The following ANGPT1 variants were observed in gnomAD, a reference collection of about 807,000 sequenced individuals.
The protein encoded by ANGPT1 is angiopoietin-1.
A neutral mutation model predicts 62.2 loss-of-function variants in ANGPT1; 17 were observed. That is an observed-to-expected ratio of 0.27 (90% CI 0.19 to 0.41). ANGPT1 has a LOEUF of 0.41. Among genes scored for constraint, ANGPT1 ranks in the 10% least tolerant of loss-of-function variants. ANGPT1 has a pLI of 1.00. For synonymous variants in ANGPT1, 199 were observed against 198.9 expected (o/e 1.00, Z 0.00); for missense variants, 478 against 594.9 (o/e 0.80, Z 2.04).
intron 8 of ANGPT1, among the ~76,000 whole-genome samples, chr8:107,252,322 A>G (rs1813264589): frequency 6.6e-6 from 1 of 152,214 alleles, no homozygotes; most frequent in Admixed American, 6.5e-5. Context: ...GATACAATCT[A>G]CATAAGAGAT....
chr8:107,254,249 T>A (rs1813308810), intron 8 of ANGPT1, among the ~76,000 whole-genome samples: 1 of 152,092 alleles, frequency 6.6e-6, no homozygotes, highest in South Asian at 2.1e-4. Context: ...ACACCTGTCC[T>A]TATTGTATTC....
intron 1 of ANGPT1, among the ~76,000 whole-genome samples, chr8:107,470,798 G>C (rs1812336546): frequency 6.6e-6 from 1 of 152,138 alleles, no homozygotes; most frequent in African/African-American, 2.4e-5. Flanking sequence ...ATGAAAAAAA[G>C]CTCATCATCA....
Position 107,398,648 on chromosome 8 carries a change from A to G in ANGPT1, c.298-51551T>C, listed in dbSNP as rs939370784. Among the ~76,000 whole-genome samples, 5 of 152,222 alleles carry G rather than the reference A, an allele frequency of 3.3e-5. No individual in the cohort carries two copies. The South Asian group carries it at 1.0e-3, about 32-fold the overall frequency. ...AAGCAAACCTAAAACTGTTCTGGAC[A>G]GAGTGGTACCTAGCTTTTTAAAGTT... On this transcript the variant is annotated intron_variant, in intron 1 of 8. Transcript: ENST00000517746.
intron 4 of ANGPT1, 83 bp downstream of exon 4, chr8:107,321,813 C>A: frequency 2.6e-6 from 3 of 1,147,340 alleles, no homozygotes; most frequent in Non-Finnish European, 3.8e-6. Context: ...GCAATCAATG[C>A]ACTGTAGAAA....
At chr8:107,474,124 G>C (rs912893573) in intron 1 of ANGPT1, among the ~76,000 whole-genome samples, 1 of 151,996 alleles carries the variant, frequency 6.6e-6, no homozygotes, top group South Asian at 2.1e-4. Flanking sequence ...GCCTGACAGA[G>C]ACACAACAAA....
At position 107,277,100 on chromosome 8, in the gene ANGPT1, TA is replaced by T. The variant is rs563688831; in HGVS notation, c.1205+7581del. Among the ~76,000 whole-genome samples the T allele has an allele frequency of 2.9e-4, 44 of 152,314 alleles. No homozygotes were observed. The East Asian group carries it at 6.6e-3, about 23-fold the overall frequency. On this transcript the variant is annotated intron_variant, in intron 7 of 8. Coordinates refer to ENST00000517746, the MANE Select transcript of ANGPT1 (RefSeq NM_001146.5). ...AAGATTATAATGACAAGATGTGCAT[TA>T]AAAAATGTTAAACATTATCATTCGG... is the stretch of plus-strand genomic sequence containing the variant.
rs71308725 is a variant in ANGPT1, at chr8:107,365,890, C to CACACACAT, written c.298-18794_298-18793insATGTGTGT. Among the ~76,000 whole-genome samples the CACACACAT allele has an allele frequency of 1.6e-4, 24 of 149,032 alleles. 1 individual carries two copies. Among genetic ancestry groups the CACACACAT allele is most frequent in the Admixed American group, 1.3e-3 (19 of 14,848 alleles). On this transcript the variant is annotated intron_variant, in intron 1 of 8. Transcript: ENST00000517746. ...ACACACACACACACACACACACACA[C>CACACACAT]GATTTTGCCTGTATACACAAATAGA...
chr8:107,267,998 CATCAA>C (rs1813653307), intron 7 of ANGPT1, among the ~76,000 whole-genome samples: 2 of 152,086 alleles, frequency 1.3e-5, no homozygotes, highest in African/African-American at 4.8e-5. Context: ...CCTCAAAGAG[CATCAA>C]ATCAGCATCT....
At chr8:107,381,856 TG>T (rs1274172521) in intron 1 of ANGPT1, among the ~76,000 whole-genome samples, 1 of 152,186 alleles carries the variant, frequency 6.6e-6, no homozygotes, top group African/African-American at 2.4e-5. Flanking sequence ...TAAGGTTTGT[TG>T]GCTGATCAGA....
intron 1 of ANGPT1, among the ~76,000 whole-genome samples, chr8:107,477,544 C>T (rs186090688): frequency 1.9e-4 from 29 of 152,212 alleles, no homozygotes; most frequent in Admixed American, 1.5e-3. Flanking sequence ...AAAGCTCTGG[C>T]TGTCAATATA....
chr8:107,273,924 A>AT (rs921088135), intron 7 of ANGPT1, among the ~76,000 whole-genome samples: 2 of 150,660 alleles, frequency 1.3e-5, no homozygotes, highest in African/African-American at 4.9e-5. Flanking sequence ...TGGCTTCATC[A>AT]TTAAAAAAAA....
intron 1 of ANGPT1, among the ~76,000 whole-genome samples, chr8:107,469,252 A>G (rs991640540): frequency 3.3e-5 from 5 of 151,932 alleles, no homozygotes; most frequent in African/African-American, 9.7e-5. Flanking sequence ...ACCAAATCCA[A>G]TCTTTTATTT....
intron 3 of ANGPT1, among the ~76,000 whole-genome samples, chr8:107,330,769 T>C (rs1363310746): frequency 6.6e-6 from 1 of 152,114 alleles, no homozygotes; most frequent in Admixed American, 6.6e-5. Flanking sequence ...GCATCAACAG[T>C]GACTGGTGAG....
At chr8:107,402,505 G>A (rs1412938438) in intron 1 of ANGPT1, among the ~76,000 whole-genome samples, 1 of 152,168 alleles carries the variant, frequency 6.6e-6, no homozygotes, top group Non-Finnish European at 1.5e-5. Flanking sequence ...CACAGAGGAA[G>A]AAAGAGCACC....
At chr8:107,431,468 G>A (rs1052407889) in intron 1 of ANGPT1, among the ~76,000 whole-genome samples, 1 of 152,124 alleles carries the variant, frequency 6.6e-6, no homozygotes, top group African/African-American at 2.4e-5. Flanking sequence ...CTTTACTCTG[G>A]CTCTCTTAGA....
At chr8:107,335,093 T>C (rs1289050019) in intron 3 of ANGPT1, among the ~76,000 whole-genome samples, 1 of 152,228 alleles carries the variant, frequency 6.6e-6, no homozygotes, top group East Asian at 1.9e-4. Context: ...TTGTAGATAA[T>C]ATGAAGAGGC....
chr8:107,343,934 C>T (rs928336815), intron 2 of ANGPT1, among the ~76,000 whole-genome samples: 1 of 152,050 alleles, frequency 6.6e-6, no homozygotes, highest in Admixed American at 6.5e-5. Flanking sequence ...TGGTGGCACA[C>T]ACCTGTAGTC....
In ANGPT1 at chr8:107,250,483, A is replaced by G. The variant is rs1358888096; in HGVS notation, c.*1372T>C. The G allele has an allele frequency of 6.6e-6, 1 of 152,122 alleles. No individual in the cohort carries two copies. The highest frequency in any genetic ancestry group is 1.5e-5 in the Non-Finnish European group (1 of 67,992). The allele number at this position is 152,122 out of a possible 1,614,324, so 9.4% of individuals were successfully genotyped here. A position where few individuals can be genotyped will look rare whatever the true frequency, so the allele number is the denominator to read the frequency against. ...GTTTTGCCAATTTTTCTCCCCTGAT[A>G]ATAATTTTTAAAAATTAAAAATTGC... On this transcript the variant is annotated 3_prime_UTR_variant, in exon 9 of 9. Transcript: ENST00000517746.
chr8:107,372,958 T>A (rs1260496949), intron 1 of ANGPT1, among the ~76,000 whole-genome samples: 2 of 151,968 alleles, frequency 1.3e-5, no homozygotes. Context: ...AACACGAAAT[T>A]ATTGTGAAGT....
Sources: allele counts gnomAD v4.1 joint callset (sites outside exome capture counted in the v4.1 genomes callset), GRCh38; gene constraint gnomAD v4.1.1; transcripts MANE v1.5; gene names NCBI Gene and HGNC (gene_info 2026-07-23, HGNC 2026-07-21).